CDS2: variants seen among roughly 807,000 people sequenced by gnomAD.
CDS2 encodes the protein phosphatidate cytidylyltransferase 2.
A neutral mutation model predicts 59.0 loss-of-function variants in CDS2; 47 were observed. The ratio of observed to expected loss-of-function variants is 0.80; its 90% CI spans 0.63 to 1.02. The LOEUF is 1.02. CDS2 is among the 50% of genes least tolerant of loss of function. The probability of loss-of-function intolerance (pLI) is 0.00; values close to 1 mark genes in which losing one functional copy is unlikely to be tolerated. For missense variants in CDS2, 356 were observed against 558.9 expected (o/e 0.64, Z 3.66); for synonymous variants, 207 against 206.4 (o/e 1.00, Z -0.02).
intron 1 of CDS2, among the ~76,000 whole-genome samples, chr20:5,135,107 ATACT>A (rs914248971): frequency 3.9e-5 from 6 of 152,222 alleles, no homozygotes; most frequent in Admixed American, 2.0e-4. Flanking sequence ...AAATATATAC[ATACT>A]TATTTTATAA....
chr20:5,138,810 G>A (rs889417935), intron 1 of CDS2, among the ~76,000 whole-genome samples: 4 of 151,890 alleles, frequency 2.6e-5, no homozygotes, highest in African/African-American at 9.7e-5. Context: ...GGTGGAGGTT[G>A]CAGTGAGCCA....
At chr20:5,182,661 C>G (rs1286059706) in intron 6 of CDS2, among the ~76,000 whole-genome samples, 4 of 152,212 alleles carry the variant, frequency 2.6e-5, no homozygotes, top group Non-Finnish European at 5.9e-5. Context: ...TAAGCAGCCT[C>G]TCCACTAGGA....
chr20:5,190,442 T>G lies in CDS2; in HGVS notation c.*208T>G. On this transcript the variant is annotated 3_prime_UTR_variant, in exon 13 of 13. Coordinates refer to ENST00000460006, the MANE Select transcript of CDS2 (RefSeq NM_003818.4). ...ATTTGTGTTGTAAGTAAACTACAGC[T>G]TTGAGTTGGAAAGAAGTCACGGGTT... is the stretch of plus-strand genomic sequence containing the variant. 2.3e-6 allele frequency: 1 copy of G among 432,234 alleles called. No individual in the cohort carries two copies. Among genetic ancestry groups the G allele is most frequent in the Middle Eastern group, 6.1e-4 (1 of 1,638 alleles). 26.8% of individuals were successfully genotyped at this position (432,234 alleles called of 1,614,324 possible). A position where few individuals can be genotyped will look rare whatever the true frequency, so the allele number is the denominator to read the frequency against.
intron 1 of CDS2, among the ~76,000 whole-genome samples, chr20:5,153,417 C>T (rs1415127562): frequency 6.6e-6 from 1 of 152,164 alleles, no homozygotes; most frequent in Non-Finnish European, 1.5e-5. Context: ...ATCACTGCTC[C>T]CCTCAGGGGA....
At chr20:5,144,496 T>G (rs2090723358) in intron 1 of CDS2, among the ~76,000 whole-genome samples, 1 of 152,142 alleles carries the variant, frequency 6.6e-6, no homozygotes, top group Non-Finnish European at 1.5e-5. Flanking sequence ...ACTTTAATCT[T>G]CCTATGATGG....
At chr20:5,175,342 T>A in intron 3 of CDS2, 63 bp downstream of exon 3, 4 of 1,298,386 alleles carry the variant, frequency 3.1e-6, no homozygotes, top group Non-Finnish European at 4.5e-6. Context: ...CCGGTTGTCT[T>A]AAGTGCGAGG....
rs2091120299 is a variant in CDS2, at chr20:5,192,136, C to A, written c.*1902C>A. The A allele has an allele frequency of 6.6e-6, 1 of 152,160 alleles. No individual in the cohort carries two copies. The highest frequency in any genetic ancestry group is 1.5e-5 in the Non-Finnish European group (1 of 68,046). The allele number at this position is 152,160 out of a possible 1,614,324, so 9.4% of individuals were successfully genotyped here. ...TGTAGTTTTCAGATTGAAGAATGAA[C>A]CTGGATCACCAAACTAGATACCGAA... On this transcript the variant is annotated 3_prime_UTR_variant, in exon 13 of 13. Coordinates refer to ENST00000460006, the MANE Select transcript of CDS2 (RefSeq NM_003818.4).
At chr20:5,174,693 A>G (rs1381017272) in intron 2 of CDS2, among the ~76,000 whole-genome samples, 5 of 151,744 alleles carry the variant, frequency 3.3e-5, no homozygotes, top group Non-Finnish European at 7.4e-5. Flanking sequence ...CTGCACTCCA[A>G]CCTGGGCTAC....
chr20:5,173,390 A>G (rs2090970574), intron 1 of CDS2, 133 bp from the exon 2 acceptor site: 4 of 968,196 alleles, frequency 4.1e-6, no homozygotes, highest in South Asian at 1.5e-5. Flanking sequence ...TGTCAGTCCC[A>G]TCACCTGACT....
intron 1 of CDS2, among the ~76,000 whole-genome samples, chr20:5,138,801 G>A (rs1444155651): frequency 1.3e-5 from 2 of 151,934 alleles, no homozygotes; most frequent in South Asian, 4.2e-4. Flanking sequence ...AATCTGGGAG[G>A]TGGAGGTTGC....
chr20:5,164,456 C>T (rs928937905), intron 1 of CDS2, among the ~76,000 whole-genome samples: 8 of 152,174 alleles, frequency 5.3e-5, no homozygotes, highest in African/African-American at 1.7e-4. Context: ...TTTAGGGGCT[C>T]GTCGCATGTG....
At chr20:5,148,253 G>A (rs948048168) in intron 1 of CDS2, among the ~76,000 whole-genome samples, 1 of 152,190 alleles carries the variant, frequency 6.6e-6, no homozygotes. Flanking sequence ...ACAGGTACCA[G>A]TGTGGCTGAG....
Position 5,127,043 on chromosome 20 carries a change from C to T in CDS2, c.-50C>T, listed in dbSNP as rs113493863. ...GCGTGCCCGCGCCGAGCTGCCTGCTCCGGCGGCTTCGCTGCTAGCTCGCGG... is the reference window on the plus strand; with the variant it reads ...GCGTGCCCGCGCCGAGCTGCCTGCTTCGGCGGCTTCGCTGCTAGCTCGCGG... On this transcript the variant is annotated 5_prime_UTR_variant, in exon 1 of 13. Coordinates refer to ENST00000460006, the MANE Select transcript of CDS2 (RefSeq NM_003818.4). The T allele has an allele frequency of 3.4e-6, 5 of 1,475,074 alleles. No homozygotes were observed. Among genetic ancestry groups the T allele is most frequent in the African/African-American group, 2.9e-5 (2 of 68,064 alleles). The allele number at this position is 1,475,074 out of a possible 1,614,324, so 91.4% of individuals were successfully genotyped here. A position where few individuals can be genotyped will look rare whatever the true frequency, so the allele number is the denominator to read the frequency against.
chr20:5,174,778 T>C (rs1027902418), intron 2 of CDS2, among the ~76,000 whole-genome samples: 8 of 152,156 alleles, frequency 5.3e-5, no homozygotes, highest in African/African-American at 1.7e-4. Context: ...TTGCATAATG[T>C]TACTATTATT....
Position 5,186,804 on chromosome 20 carries a change from A to T in CDS2, c.946A>T (p.Asn316Tyr). The T allele has an allele frequency of 6.2e-7, 1 of 1,614,158 alleles. No homozygotes were observed. Among genetic ancestry groups the T allele is most frequent in the Non-Finnish European group, 8.5e-7 (1 of 1,180,036 alleles). The part of the protein sequence containing the change: ...PSDLFRLQEY[N>Y]IPGVIQSVIG... The stretch of plus-strand genomic sequence containing the variant: ...GGACCTGTTTCGCCTGCAGGAGTAC[A>T]ACATTCCTGGGGTGATCCAGTCAGT... Residue 316 changes from asparagine to tyrosine, a missense_variant, in exon 10 of 13, where the codon AAC (asparagine) becomes TAC (tyrosine). Physicochemically the swap from Asn to Tyr is moderately radical, Grantham distance 143. Around this residue, in one of 5 missense-constraint regions of CDS2, gnomAD observed 88 missense variants for 103.6 expected, o/e 0.85. Transcript: ENST00000460006.
intron 1 of CDS2, among the ~76,000 whole-genome samples, chr20:5,134,142 G>A (rs1349271608): frequency 6.6e-6 from 1 of 152,162 alleles, no homozygotes; most frequent in Non-Finnish European, 1.5e-5. Context: ...ACTTTCCTGG[G>A]AGTGGCCACT....
chr20:5,168,655 G>T (rs778668762), intron 1 of CDS2: 12 of 518,300 alleles, frequency 2.3e-5, no homozygotes, highest in Non-Finnish European at 4.6e-5. Context: ...AGCCTCAGAA[G>T]GATGCTGTCC....
intron 3 of CDS2, chr20:5,176,259 A>G: frequency 6.0e-6 from 1 of 165,932 alleles, no homozygotes; most frequent in Admixed American, 5.8e-5. Flanking sequence ...TCTCTACTTA[A>G]AAAAAAAATC....
chr20:5,155,618 C>CT (rs1180846085), intron 1 of CDS2, among the ~76,000 whole-genome samples: 1 of 152,164 alleles, frequency 6.6e-6, no homozygotes, highest in African/African-American at 2.4e-5. Flanking sequence ...TCCTGCCTCT[C>CT]TCGTAGGGAT....
Sources: gnomAD v4.1 joint callset for allele counts (sites outside exome capture counted in the v4.1 genomes callset) on GRCh38, gnomAD v4.1.1 for gene constraint, gnomAD v4.1.1 regional missense constraint, MANE v1.5 for transcripts, NCBI Gene and HGNC (gene_info 2026-07-23, HGNC 2026-07-21) for gene names.